Variants in IRAG1 observed in about 807,000 individuals in gnomAD.
IRAG1 encodes IP3R-associated cGMP kinase substrate.
Under a neutral mutation model 106.2 loss-of-function variants are expected in IRAG1, and 62 were observed. The observed-to-expected ratio is 0.58, with a 90% CI of 0.48 to 0.72. The LOEUF (loss-of-function observed/expected upper bound fraction) is 0.72, where lower values mean the gene tolerates loss of function less well. Among genes scored for constraint, IRAG1 ranks in the 30% least tolerant of loss-of-function variants. The pLI is 0.00. For missense variants in IRAG1, 1,064 were observed against 1,140.7 expected, an observed-to-expected ratio of 0.93 and a Z score of 0.97; for synonymous variants, 462 against 443.9, an observed-to-expected ratio of 1.04 and a Z score of -0.51.
intron 1 of IRAG1, among the ~76,000 whole-genome samples, chr11:10,681,271 C>T (rs1199243310): frequency 6.6e-6 from 1 of 152,210 alleles, no homozygotes; most frequent in Non-Finnish European, 1.5e-5. Context: ...GCTCTAGCGG[C>T]TGCCTGGACC....
chr11:10,592,898 C>T (rs549311718), intron 17 of IRAG1, among the ~76,000 whole-genome samples: 123 of 152,286 alleles, frequency 8.1e-4, no homozygotes, highest in Middle Eastern at 3.4e-3. Context: ...CAGAATTATA[C>T]TGTTTATACA....
intron 14 of IRAG1, among the ~76,000 whole-genome samples, chr11:10,602,473 C>T (rs188728688): frequency 5.3e-5 from 8 of 152,296 alleles, no homozygotes; most frequent in African/African-American, 1.9e-4. Context: ...GATTAGAACT[C>T]GGGCAATGTG....
At chr11:10,672,471 T>C (rs189538951) in intron 1 of IRAG1, among the ~76,000 whole-genome samples, 4 of 152,322 alleles carry the variant, frequency 2.6e-5, no homozygotes, top group African/African-American at 7.2e-5. Context: ...AGAACTCTTA[T>C]AATGATAAAA....
At chr11:10,676,375 C>T (rs1474012996) in intron 1 of IRAG1, among the ~76,000 whole-genome samples, 1 of 152,198 alleles carries the variant, frequency 6.6e-6, no homozygotes, top group African/African-American at 2.4e-5. Context: ...GTCCCCAGTC[C>T]CCCTTCTTCT....
In IRAG1 at chr11:10,600,941, G is replaced by A; in HGVS notation, c.1994C>T (p.Ser665Leu). The A allele has an allele frequency of 6.2e-7, 1 of 1,614,056 alleles. No individual in the cohort carries two copies. The highest frequency in any genetic ancestry group is 8.5e-7 in the Non-Finnish European group (1 of 1,179,896). ...MEFKKLANQN[S>L]SRSCGPSEDG... ...ACCAGAGGGGCCACAGCTGCGGCTTGAATTCTGATTTGCAAGCTTTTTAAA... is the reference window on the plus strand; with the variant it reads ...ACCAGAGGGGCCACAGCTGCGGCTTAAATTCTGATTTGCAAGCTTTTTAAA... The change falls in exon 15 of 21, where the codon TCA becomes TTA. Residue 665 changes from serine (S) to leucine (L), a missense_variant. Physicochemically the swap from Ser to Leu is moderately radical, Grantham distance 145. Transcript: ENST00000423302.
chr11:10,671,851 C>CT lies in IRAG1; in HGVS notation c.68-19670_68-19669insA, dbSNP rs1860256493. On this transcript the variant is annotated intron_variant, in intron 1 of 20. Coordinates refer to ENST00000423302, the MANE Select transcript of IRAG1 (RefSeq NM_130385.4). ...TTAAAGCCCTAAATTGTTGGAATGC[C>CT]ATCTCATTCCAATTTCATATGGAAA... 7.2e-5 allele frequency among the ~76,000 whole-genome samples: 11 copies of CT among 152,138 alleles called. No homozygotes were observed. In the South Asian group the frequency reaches 2.3e-3, roughly 32 times the overall value.
rs577552742 is a variant in IRAG1 at position 10,626,497 on chromosome 11, A to G, written c.837T>C (p.Val279=). ...QGRLAPRPPP[V]EKSKEIAIEQ... ...CTATTGCAATCTCTTTGGACTTCTC[A>G]ACTGGAGGAGGACGAGGAGCCAGCC... is the stretch of plus-strand genomic sequence containing the variant. The change falls in exon 9 of 21, where the codon GTT becomes GTC. Residue 279 remains valine (V), a synonymous_variant. Transcript: ENST00000423302. The G allele has an allele frequency of 3.7e-6, 6 of 1,613,546 alleles. No homozygotes were observed. Among genetic ancestry groups the G allele is most frequent in the Non-Finnish European group, 3.4e-6 (4 of 1,179,734 alleles).
At position 10,645,121 on chromosome 11, in the gene IRAG1, C is replaced by T. The variant is rs763465296; in HGVS notation, c.225+6904G>A. Among the ~76,000 whole-genome samples, 52 of 152,112 alleles carry T rather than the reference C, an allele frequency of 3.4e-4. 1 individual carries two copies. Among genetic ancestry groups the T allele is most frequent in the Non-Finnish European group, 1.3e-4 (9 of 68,036 alleles). ...AGAGCAGGACCTTAGTTAGTTAATG[C>T]TCAATAAACATTTATTGAGCAAATT... On this transcript the variant is annotated intron_variant, in intron 2 of 20. Coordinates refer to ENST00000423302, the MANE Select transcript of IRAG1 (RefSeq NM_130385.4).
At position 10,593,492 on chromosome 11, in the gene IRAG1, C is replaced by T. The variant is rs1277670836; in HGVS notation, c.2175G>A (p.Leu725=). 1.2e-6 allele frequency: 2 copies of T among 1,612,232 alleles called. No individual in the cohort carries two copies. Among genetic ancestry groups the T allele is most frequent in the African/African-American group, 1.3e-5 (1 of 74,850 alleles). ...GGGAGGCAGACATCGTCATACTTAC[C>T]AAGGCTGGTAAGGAGGGAATGGATG... ...SSSSIPSLPA[L]SESPNGKGSL... Residue 725 remains leucine, a splice_region_variant and synonymous_variant, in exon 17 of 21, where the codon TTG becomes TTA. Transcript: ENST00000423302.
At chr11:10,602,377 A>G (rs1854105046) in intron 14 of IRAG1, among the ~76,000 whole-genome samples, 1 of 152,232 alleles carries the variant, frequency 6.6e-6, no homozygotes, top group Non-Finnish European at 1.5e-5. Flanking sequence ...TACTGTGACC[A>G]TCCTCATTTT....
intron 20 of IRAG1, among the ~76,000 whole-genome samples, chr11:10,577,061 TC>T (rs1850895144): frequency 6.6e-6 from 1 of 152,188 alleles, no homozygotes; most frequent in South Asian, 2.1e-4. Flanking sequence ...CAGTTCCACA[TC>T]TAACTGTGTC....
intron 4 of IRAG1, 80 bp downstream of exon 4, chr11:10,631,909 GGA>G (rs1856720691): frequency 8.6e-7 from 1 of 1,165,938 alleles, no homozygotes; most frequent in African/African-American, 1.5e-5. Flanking sequence ...TTAAAGAGCA[GGA>G]GAGAGGAAGG....
intron 18 of IRAG1, among the ~76,000 whole-genome samples, chr11:10,588,635 G>A (rs1591553409): frequency 6.6e-6 from 1 of 152,218 alleles, no homozygotes; most frequent in African/African-American, 2.4e-5. Flanking sequence ...ACAGGCGTGA[G>A]CCACTGCCCA....
At chr11:10,664,265 G>T (rs1589943119) in intron 1 of IRAG1, among the ~76,000 whole-genome samples, 1 of 152,084 alleles carries the variant, frequency 6.6e-6, no homozygotes, top group East Asian at 1.9e-4. Flanking sequence ...TTCCCTGCTG[G>T]GATGGAGCAC....
intron 2 of IRAG1, among the ~76,000 whole-genome samples, chr11:10,642,802 A>C (rs1300272208): frequency 6.6e-6 from 1 of 152,222 alleles, no homozygotes; most frequent in Non-Finnish European, 1.5e-5. Flanking sequence ...CCTGGAGGGC[A>C]AACAGGGACT....
intron 13 of IRAG1, among the ~76,000 whole-genome samples, chr11:10,603,769 T>C (rs1167522623): frequency 2.0e-5 from 3 of 151,636 alleles, no homozygotes; most frequent in Admixed American, 6.6e-5. Flanking sequence ...CGAATGGAAT[T>C]AGTGCTCTTA....
In IRAG1 at chr11:10,576,426, G is replaced by C. The variant is rs1315732679; in HGVS notation, c.2645C>G (p.Ala882Gly). The part of the protein sequence containing the change: ...YNSYNSCAEQ[A>G]DGPLGRSTCS... ...AGTGGATCTTCCAAGGGGCCCATCA[G>C]CCTGCTCTGCACAAGAGTTATAGGA... The change falls in exon 21 of 21, where the codon GCT becomes GGT. Residue 882 changes from alanine (A) to glycine (G), a missense_variant. Ala to Gly is a moderately conservative substitution (Grantham distance 60). Coordinates refer to ENST00000423302, the MANE Select transcript of IRAG1 (RefSeq NM_130385.4). 1 of 1,613,856 alleles carries C rather than the reference G, an allele frequency of 6.2e-7. No individual in the cohort carries two copies. The highest frequency in any genetic ancestry group is 1.3e-5 in the African/African-American group (1 of 74,918).
intron 5 of IRAG1, 102 bp downstream of exon 5, chr11:10,629,436 G>T: frequency 7.9e-7 from 1 of 1,266,490 alleles, no homozygotes; most frequent in South Asian, 1.5e-5. Flanking sequence ...AGTCCAAGGC[G>T]ACCTCCTCGG....
At chr11:10,603,717 G>A (rs1344925819) in intron 13 of IRAG1, among the ~76,000 whole-genome samples, 2 of 152,180 alleles carry the variant, frequency 1.3e-5, no homozygotes, top group African/African-American at 2.4e-5. Flanking sequence ...ATAGTGAAGT[G>A]GGGCCTGGGC....
Sources: gnomAD v4.1 joint callset for allele counts (sites outside exome capture counted in the v4.1 genomes callset) on GRCh38, gnomAD v4.1.1 for gene constraint, MANE v1.5 for transcripts, NCBI Gene and HGNC (gene_info 2026-07-23, HGNC 2026-07-21) for gene names.